NEDD4: variants seen among roughly 807,000 people sequenced by gnomAD.
NEDD4 encodes E3 ubiquitin-protein ligase NEDD4.
In NEDD4, 99 loss-of-function variants were observed where a neutral mutation model predicts 144.9. The ratio of observed to expected loss-of-function variants is 0.68; its 90% CI spans 0.58 to 0.81. The LOEUF (loss-of-function observed/expected upper bound fraction) is 0.81, where lower values mean the gene tolerates loss of function less well. Among genes scored for constraint, NEDD4 ranks in the 30% least tolerant of loss-of-function variants. The pLI, the probability that NEDD4 is intolerant of heterozygous loss-of-function variation, is 0.00. For missense variants in NEDD4, 985 were observed against 1,065.9 expected (o/e 0.92, Z 1.06); for synonymous variants, 318 against 350.6 (o/e 0.91, Z 1.04).
intron 18 of NEDD4, 99 bp downstream of exon 18, chr15:55,846,870 T>C: frequency 1.4e-6 from 1 of 720,480 alleles, no homozygotes; most frequent in Non-Finnish European, 2.2e-6. Context: ...CTCAAAGTTG[T>C]TACAAATATA....
intron 24 of NEDD4, 88 bp downstream of exon 24, chr15:55,837,701 T>G: frequency 1.2e-6 from 1 of 812,934 alleles, no homozygotes; most frequent in Non-Finnish European, 2.0e-6. Context: ...CATATACTTA[T>G]TTTTCTCAGA....
intron 5 of NEDD4, among the ~76,000 whole-genome samples, chr15:55,894,384 T>C (rs1032499153): frequency 4.6e-5 from 7 of 152,198 alleles, no homozygotes; most frequent in African/African-American, 1.4e-4. Flanking sequence ...ATGCAAATTT[T>C]ATACCACTTT....
intron 4 of NEDD4, among the ~76,000 whole-genome samples, chr15:55,932,222 G>A (rs2036794994): frequency 6.6e-6 from 1 of 152,118 alleles, no homozygotes; most frequent in South Asian, 2.1e-4. Flanking sequence ...ACAATCCTAA[G>A]CCAAAAGAAC....
intron 4 of NEDD4, among the ~76,000 whole-genome samples, chr15:55,933,540 G>GAGGGGGA (rs1361824512): frequency 8.7e-6 from 1 of 114,816 alleles, no homozygotes; most frequent in African/African-American, 3.3e-5. Flanking sequence ...GGGGTGGGGG[G>GAGGGGGA]AGGGGGAAGG....
chr15:55,919,913 C>T (rs1167809577), intron 5 of NEDD4, among the ~76,000 whole-genome samples: 2 of 152,138 alleles, frequency 1.3e-5, no homozygotes, highest in African/African-American at 4.8e-5. Context: ...ATGGTACCCA[C>T]TTGTTTGGTC....
rs535762222 is a variant in NEDD4, at chr15:55,871,459, T to C, written c.404+956A>G. Among the ~76,000 whole-genome samples, 4 of 152,318 alleles carry C rather than the reference T, an allele frequency of 2.6e-5. No individual in the cohort carries two copies. In the South Asian group the frequency reaches 8.3e-4, roughly 32 times the overall value. On this transcript the variant is annotated intron_variant, in intron 7 of 28. Coordinates refer to ENST00000435532, the MANE Select transcript of NEDD4 (RefSeq NM_006154.4). ...AAGACGCTAGAAAGCATGTGACAAA[T>C]TGAAAAGCAGGCTGCTAGGACAATC...
chr15:55,946,368 T>TA (rs569268975), intron 4 of NEDD4, among the ~76,000 whole-genome samples: 36 of 152,136 alleles, frequency 2.4e-4, no homozygotes, highest in African/African-American at 8.7e-4. Flanking sequence ...TAGTCTCTGA[T>TA]AAAACAGACT....
rs569123571 is a variant in NEDD4 at position 55,991,508 on chromosome 15, T to C, written c.45+2003A>G. Among the ~76,000 whole-genome samples the C allele has an allele frequency of 1.2e-4, 18 of 152,338 alleles. 1 individual carries two copies. In the South Asian group the frequency reaches 3.3e-3, roughly 28 times the overall value. On this transcript the variant is annotated intron_variant, in intron 1 of 28. Transcript: ENST00000435532. ...TGGTACAGAGCAAACAGTAAATGAA[T>C]GTCTGTTGAATGAATAATCCAATTA...
At chr15:55,904,694 A>G (rs1289826555) in intron 5 of NEDD4, among the ~76,000 whole-genome samples, 5 of 152,194 alleles carry the variant, frequency 3.3e-5, no homozygotes, top group African/African-American at 1.2e-4. Context: ...AGAATGCAAA[A>G]AGTTGAGAAA....
chr15:55,926,461 A>T (rs867177288), intron 4 of NEDD4, among the ~76,000 whole-genome samples: 5 of 152,152 alleles, frequency 3.3e-5, no homozygotes, highest in Non-Finnish European at 5.9e-5. Flanking sequence ...GCTAGACAAC[A>T]TGGGGAGGGA....
At position 55,852,344 on chromosome 15, in the gene NEDD4, T is replaced by G. The variant is rs568751441; in HGVS notation, c.1146+80A>C. The G allele has an allele frequency of 2.9e-5, 42 of 1,445,672 alleles. No homozygotes were observed. In the African/African-American group the frequency reaches 3.6e-4, roughly 12 times the overall value. The allele number at this position is 1,445,672 out of a possible 1,614,324, so 89.6% of individuals were successfully genotyped here. A position where few individuals can be genotyped will look rare whatever the true frequency, so the allele number is the denominator to read the frequency against. On this transcript the variant is annotated intron_variant, in intron 13 of 28. Transcript: ENST00000435532. ...GGTGGTAGAAGTATCCAGTGTATCC[T>G]ACAAAGTGATGTAATAGTTTACATA...
chr15:55,893,269 C>T (rs983288012), intron 5 of NEDD4, among the ~76,000 whole-genome samples: 4 of 151,838 alleles, frequency 2.6e-5, no homozygotes, highest in African/African-American at 4.8e-5. Flanking sequence ...ATCCTCTATG[C>T]GCAAATGTCA....
chr15:55,988,507 GA>G (rs534365699), intron 1 of NEDD4, among the ~76,000 whole-genome samples: 1 of 88,386 alleles, frequency 1.1e-5, no homozygotes, highest in Admixed American at 1.1e-4. Context: ...AAAAAAAAAA[GA>G]AAAACTGAGG....
At chr15:55,943,773 T>A (rs1193262565) in intron 4 of NEDD4, among the ~76,000 whole-genome samples, 1 of 152,120 alleles carries the variant, frequency 6.6e-6, no homozygotes, top group Non-Finnish European at 1.5e-5. Context: ...AGTGGAGCTG[T>A]GAGAAGTAGG....
chr15:55,992,902 G>C (rs947729622), intron 1 of NEDD4, among the ~76,000 whole-genome samples: 1 of 152,162 alleles, frequency 6.6e-6, no homozygotes, highest in Non-Finnish European at 1.5e-5. Context: ...GTGAAATAAA[G>C]CATGAACTTC....
intron 1 of NEDD4, among the ~76,000 whole-genome samples, chr15:55,968,648 G>A (rs556386591): frequency 6.6e-5 from 10 of 152,152 alleles, no homozygotes; most frequent in South Asian, 2.1e-4. Flanking sequence ...TAATCTCACC[G>A]GTCAGCAGAA....
intron 1 of NEDD4, among the ~76,000 whole-genome samples, chr15:55,978,166 G>A (rs1417364772): frequency 3.9e-5 from 6 of 152,072 alleles, no homozygotes; most frequent in African/African-American, 7.2e-5. Context: ...CCAGCCTCCT[G>A]GGGAAAATGT....
chr15:55,916,756 C>T, intron 5 of NEDD4: 1 of 1,613,950 alleles, frequency 6.2e-7, no homozygotes, highest in Non-Finnish European at 8.5e-7. Flanking sequence ...CTATCCAAGT[C>T]ATCTCCGGAG....
In NEDD4 at chr15:55,841,950, A is replaced by G. The variant is rs752739252; in HGVS notation, c.1822T>C (p.Phe608Leu). ...KEMFNPYYGLFEYSATDNYTL... is the reference protein window; with the variant it reads ...KEMFNPYYGLLEYSATDNYTL... ...GGTACTTACGTAGCAGAATATTCAA[A>G]CAACCCATAATAAGGGTTAAACATT... Residue 608 changes from phenylalanine to leucine, a missense_variant, in exon 19 of 29, where the codon TTT becomes CTT. By Grantham distance (22) the Phe-to-Leu change is conservative. Transcript: ENST00000435532. 53 of 1,610,050 alleles carry G rather than the reference A, an allele frequency of 3.3e-5. No homozygotes were observed. In the South Asian group the frequency reaches 5.4e-4, roughly 16 times the overall value.
Sources: allele counts gnomAD v4.1 joint callset (sites outside exome capture counted in the v4.1 genomes callset), GRCh38; gene constraint gnomAD v4.1.1; transcripts MANE v1.5; gene names NCBI Gene and HGNC (gene_info 2026-07-23, HGNC 2026-07-21).